TOP1: variants seen among roughly 807,000 people sequenced by gnomAD.
TOP1 encodes DNA topoisomerase I, also known as DNA topoisomerase 1.
In TOP1, 10 loss-of-function variants were observed where a neutral mutation model predicts 111.1. The ratio of observed to expected loss-of-function variants is 0.09; its 90% CI spans 0.06 to 0.15. TOP1 has a LOEUF of 0.15. TOP1 is among the 10% of genes least tolerant of loss of function. The probability of loss-of-function intolerance (pLI) is 1.00; values close to 1 mark genes in which losing one functional copy is unlikely to be tolerated. For synonymous variants in TOP1, 271 were observed against 302.9 expected, an observed-to-expected ratio of 0.89 and a Z score of 1.10; for missense variants, 474 against 926.7, an observed-to-expected ratio of 0.51 and a Z score of 6.34.
intron 2 of TOP1, among the ~76,000 whole-genome samples, chr20:41,035,523 T>C (rs1472307448): frequency 1.3e-5 from 2 of 152,212 alleles, no homozygotes; most frequent in African/African-American, 4.8e-5. Context: ...GTATTTGTTG[T>C]TGTAAATGAT....
At chr20:41,054,368 T>C (rs763717365) in intron 2 of TOP1, among the ~76,000 whole-genome samples, 1 of 152,134 alleles carries the variant, frequency 6.6e-6, no homozygotes, top group Non-Finnish European at 1.5e-5. Flanking sequence ...AAGGACGTGT[T>C]TGCTTCCCCT....
chr20:41,089,020 C>CTTTTTTTTTTTTTTTTTTTTTTT lies in TOP1; in HGVS notation c.615-3430_615-3429insTTTTTTTTTTTTTTTTTTTTTTT, dbSNP rs59200685. On this transcript the variant is annotated intron_variant, in intron 8 of 20. Coordinates refer to ENST00000361337, the MANE Select transcript of TOP1 (RefSeq NM_003286.4). ...TCCCCACTTCTCTGTTGCCCCAGTT[C>CTTTTTTTTTTTTTTTTTTTTTTT]TTTTTTTTTTTTTTTTTTTTTTGAG... 7.8e-4 allele frequency among the ~76,000 whole-genome samples: 61 copies of CTTTTTTTTTTTTTTTTTTTTTTT among 77,894 alleles called. 11 individuals carry two copies. Among genetic ancestry groups the CTTTTTTTTTTTTTTTTTTTTTTT allele is most frequent in the East Asian group, 6.8e-3 (11 of 1,606 alleles). The allele number at this position is 77,894 out of a possible 152,430, so 51.1% of individuals were successfully genotyped here.
rs1482283749 is a variant in TOP1, at chr20:41,114,189, T to A, written c.1638+34T>A. 1.9e-6 allele frequency: 3 copies of A among 1,566,040 alleles called. No homozygotes were observed. Among genetic ancestry groups the A allele is most frequent in the African/African-American group, 2.7e-5 (2 of 73,952 alleles). On this transcript the variant is annotated intron_variant, in intron 15 of 20. Coordinates refer to ENST00000361337, the MANE Select transcript of TOP1 (RefSeq NM_003286.4). The surrounding 1 kb of genome is among the most constrained non-coding windows in gnomAD (Gnocchi z 4.5). ...ATGTACCTGTACTGTCTGACTTGTTTTCCATTATTCAACAAGCATGGGTTG... is the reference window on the plus strand; with the variant it reads ...ATGTACCTGTACTGTCTGACTTGTTATCCATTATTCAACAAGCATGGGTTG...
At chr20:41,045,279 G>C (rs925026303) in intron 2 of TOP1, among the ~76,000 whole-genome samples, 8 of 152,116 alleles carry the variant, frequency 5.3e-5, no homozygotes, top group Non-Finnish European at 8.8e-5. Flanking sequence ...GAGTGATTGG[G>C]GCTCTTGGAA....
intron 2 of TOP1, among the ~76,000 whole-genome samples, chr20:41,056,980 G>A (rs535515598): frequency 2.0e-5 from 3 of 152,228 alleles, no homozygotes; most frequent in South Asian, 4.1e-4. Flanking sequence ...AAAAAATGTG[G>A]CCGGGCGCAG....
chr20:41,090,593 C>G (rs1044466148), intron 8 of TOP1, among the ~76,000 whole-genome samples: 1 of 152,118 alleles, frequency 6.6e-6, no homozygotes, highest in Non-Finnish European at 1.5e-5. Flanking sequence ...ACCTTCACCT[C>G]CCAGGTTCAA....
chr20:41,043,877 A>G (rs1319935476), intron 2 of TOP1, among the ~76,000 whole-genome samples: 1 of 152,228 alleles, frequency 6.6e-6, no homozygotes, highest in Non-Finnish European at 1.5e-5. Context: ...TTCAGGTTAG[A>G]CAAGTCCTTT....
chr20:41,086,846 A>G (rs2033855233), intron 8 of TOP1, among the ~76,000 whole-genome samples: 1 of 152,168 alleles, frequency 6.6e-6, no homozygotes, highest in South Asian at 2.1e-4. Context: ...ATTCTTTTCA[A>G]GCACAGTGCT....
In TOP1 at chr20:41,114,642, G is replaced by A. The variant is rs2034300143; in HGVS notation, c.1638+487G>A. ...CTATATCTTAGTATCCCCTGGTCATGTGGTACATTTGTCACTTTTCATCTT... is the reference window on the plus strand; with the variant it reads ...CTATATCTTAGTATCCCCTGGTCATATGGTACATTTGTCACTTTTCATCTT... On this transcript the variant is annotated intron_variant, in intron 15 of 20. Coordinates refer to ENST00000361337, the MANE Select transcript of TOP1 (RefSeq NM_003286.4). The surrounding 1 kb of genome is among the most constrained non-coding windows in gnomAD (Gnocchi z 4.5). Among the ~76,000 whole-genome samples the A allele has an allele frequency of 6.6e-6, 1 of 152,178 alleles. No individual in the cohort carries two copies. The highest frequency in any genetic ancestry group is 2.4e-5 in the African/African-American group (1 of 41,440).
intron 11 of TOP1, among the ~76,000 whole-genome samples, chr20:41,099,847 AAATC>A (rs940753650): frequency 7.9e-5 from 12 of 152,324 alleles, no homozygotes; most frequent in Non-Finnish European, 1.5e-4. Context: ...AATCTAGTTG[AAATC>A]AATCCTTATA....
intron 18 of TOP1, among the ~76,000 whole-genome samples, chr20:41,120,033 C>G (rs958318135): frequency 1.3e-5 from 2 of 152,234 alleles, no homozygotes; most frequent in African/African-American, 2.4e-5. Flanking sequence ...GATGAGCCCT[C>G]CAAACCCAGG....
rs913671455 is a variant in TOP1 at position 41,121,453 on chromosome 20, T to C, written c.1951-243T>C. ...CCCAGCCCCAGCGGGTTCCTTTCCC[T>C]GAGCCCCTAGGTTACTGCCCTGTAA... On this transcript the variant is annotated intron_variant, in intron 18 of 20. Transcript: ENST00000361337. This position sits in a 1 kb window ranked among gnomAD's most constrained non-coding sequence, Gnocchi z 4.2. Among the ~76,000 whole-genome samples, 4 of 152,240 alleles carry C rather than the reference T, an allele frequency of 2.6e-5. No individual in the cohort carries two copies. Among genetic ancestry groups the C allele is most frequent in the African/African-American group, 9.6e-5 (4 of 41,468 alleles).
chr20:41,105,275 G>A (rs551985783), intron 13 of TOP1, among the ~76,000 whole-genome samples: 2 of 152,098 alleles, frequency 1.3e-5, no homozygotes, highest in East Asian at 1.9e-4. Flanking sequence ...ACAATATGTT[G>A]TAAACTATTG....
chr20:41,107,979 C>T (rs1256307391), intron 13 of TOP1, among the ~76,000 whole-genome samples: 1 of 152,190 alleles, frequency 6.6e-6, no homozygotes, highest in Non-Finnish European at 1.5e-5. Context: ...CGTGAGCCAC[C>T]ACATCCAGCC....
chr20:41,053,209 G>A lies in TOP1; in HGVS notation c.59-8185G>A, dbSNP rs145551610. 2.5e-3 allele frequency among the ~76,000 whole-genome samples: 385 copies of A among 152,150 alleles called. 3 individuals carry two copies. Among genetic ancestry groups the A allele is most frequent in the African/African-American group, 8.6e-3 (355 of 41,488 alleles). On this transcript the variant is annotated intron_variant, in intron 2 of 20. Coordinates refer to ENST00000361337, the MANE Select transcript of TOP1 (RefSeq NM_003286.4). ...GTTGCAACTCATTTCTTGCTGCAGC[G>A]TAGCACATCCACCAAGAATGCCCTT...
At chr20:41,077,684 C>T in intron 5 of TOP1, 47 bp downstream of exon 5, 2 of 1,553,994 alleles carry the variant, frequency 1.3e-6, no homozygotes, top group Non-Finnish European at 1.8e-6. Context: ...GGGTGGACAG[C>T]AGGCCAGCTG....
chr20:41,074,065 A>G (rs2033697532), intron 3 of TOP1, among the ~76,000 whole-genome samples: 1 of 152,228 alleles, frequency 6.6e-6, no homozygotes, highest in Non-Finnish European at 1.5e-5. Flanking sequence ...GTGATTACCT[A>G]TACATTAACT....
intron 2 of TOP1, among the ~76,000 whole-genome samples, chr20:41,050,535 A>G (rs1380908462): frequency 6.6e-6 from 1 of 152,342 alleles, no homozygotes; most frequent in East Asian, 1.9e-4. Context: ...TACAAATTGA[A>G]ACCAGCCACC....
At position 41,102,632 on chromosome 20, in the gene TOP1, A is replaced by T. The variant is rs1366384019; in HGVS notation, c.1308+1279A>T. On this transcript the variant is annotated intron_variant, in intron 13 of 20. Coordinates refer to ENST00000361337, the MANE Select transcript of TOP1 (RefSeq NM_003286.4). The surrounding 1 kb of genome is among the most constrained non-coding windows in gnomAD (Gnocchi z 4.0). The stretch of plus-strand genomic sequence containing the variant: ...CTCAAATAAATAACTAAATACATAA[A>T]TAAAAATAAAATGTAGTTTTTGTAG... Among the ~76,000 whole-genome samples, 2 of 152,228 alleles carry T rather than the reference A, an allele frequency of 1.3e-5. No individual in the cohort carries two copies. The highest frequency in any genetic ancestry group is 1.3e-4 in the Admixed American group (2 of 15,286).
Sources: gnomAD v4.1 joint callset for allele counts (sites outside exome capture counted in the v4.1 genomes callset) on GRCh38, gnomAD v4.1.1 for gene constraint, Gnocchi (gnomAD v3.1) non-coding constraint, MANE v1.5 for transcripts, NCBI Gene and HGNC (gene_info 2026-07-23, HGNC 2026-07-21) for gene names.